TRAPPC3: variants seen among roughly 807,000 people sequenced by gnomAD.
TRAPPC3 encodes trafficking protein particle complex subunit 3.
TRAPPC3 carries 5 observed loss-of-function variants against 18.2 expected under a neutral mutation model. The observed-to-expected ratio is 0.28, with a 90% CI of 0.14 to 0.58. The LOEUF (loss-of-function observed/expected upper bound fraction) is 0.58. Among genes scored for constraint, TRAPPC3 ranks in the 20% least tolerant of loss-of-function variants. The pLI is 0.91. For missense variants in TRAPPC3, 176 were observed against 225.9 expected, an observed-to-expected ratio of 0.78 and a Z score of 1.41; for synonymous variants, 65 against 84.2, an observed-to-expected ratio of 0.77 and a Z score of 1.25.
At position 36,149,334 on chromosome 1, in the gene TRAPPC3, T is replaced by C. The variant is rs1261235756; in HGVS notation, c.42+3A>G. On this transcript the variant is annotated splice_donor_region_variant and intron_variant, in intron 1 of 4. Transcript: ENST00000373166. ...CCCGCCGAGGTCACGCGCTCCAAGT[T>C]ACCATTTTCTTGCTCTCGGTGCCAC... The C allele has an allele frequency of 6.2e-7, 1 of 1,613,554 alleles. No homozygotes were observed. Among genetic ancestry groups the C allele is most frequent in the African/African-American group, 1.3e-5 (1 of 74,930 alleles).
At chr1:36,146,854 A>T (rs918546276) in intron 1 of TRAPPC3, among the ~76,000 whole-genome samples, 3 of 152,236 alleles carry the variant, frequency 2.0e-5, no homozygotes, top group Admixed American at 1.3e-4. Context: ...CTCCCACAGC[A>T]TCTAGCACAG....
intron 3 of TRAPPC3, 103 bp from the exon 4 acceptor site, chr1:36,138,081 A>C (rs749288634): frequency 6.3e-7 from 1 of 1,589,710 alleles, no homozygotes; most frequent in South Asian, 1.1e-5. Context: ...CTCAGGAACA[A>C]ACCTGTGGCC....
In TRAPPC3 at chr1:36,149,468, C is replaced by T. The variant is rs1644250896; in HGVS notation, c.-90G>A. 6.5e-7 allele frequency: 1 copy of T among 1,530,218 alleles called. No individual in the cohort carries two copies. The highest frequency in any genetic ancestry group is 1.2e-5 in the South Asian group (1 of 86,334). 94.8% of individuals were successfully genotyped at this position (1,530,218 alleles called of 1,614,324 possible). A position where few individuals can be genotyped will look rare whatever the true frequency, so the allele number is the denominator to read the frequency against. ...GAGCCTAAGCCGCTGCCCCTCAGCCCACAAGACCGACCGGCACTGACTCAC... is the reference window on the plus strand; with the variant it reads ...GAGCCTAAGCCGCTGCCCCTCAGCCTACAAGACCGACCGGCACTGACTCAC... On this transcript the variant is annotated 5_prime_UTR_variant, in exon 1 of 5. Coordinates refer to ENST00000373166, the MANE Select transcript of TRAPPC3 (RefSeq NM_014408.5).
intron 1 of TRAPPC3, among the ~76,000 whole-genome samples, chr1:36,141,615 A>T (rs1318040896): frequency 6.6e-6 from 1 of 152,216 alleles, no homozygotes; most frequent in Non-Finnish European, 1.5e-5. Flanking sequence ...AAAGGCAGGA[A>T]TTAACCCCAC....
intron 1 of TRAPPC3, among the ~76,000 whole-genome samples, chr1:36,143,923 G>A (rs907822330): frequency 1.3e-5 from 2 of 152,134 alleles, no homozygotes; most frequent in Non-Finnish European, 2.9e-5. Flanking sequence ...TGTTTGTGGA[G>A]CACCTGCTGC....
chr1:36,145,053 G>A (rs577361606), intron 1 of TRAPPC3, among the ~76,000 whole-genome samples: 2 of 151,422 alleles, frequency 1.3e-5, no homozygotes, highest in Admixed American at 6.6e-5. Context: ...ACGGAGTCTC[G>A]CTCTGTCGCC....
chr1:36,143,373 A>G (rs1259138192), intron 1 of TRAPPC3, among the ~76,000 whole-genome samples: 2 of 152,230 alleles, frequency 1.3e-5, no homozygotes, highest in East Asian at 3.8e-4. Flanking sequence ...CACTAATTCT[A>G]AAGATCCTGA....
At chr1:36,140,242 G>T in intron 1 of TRAPPC3, 76 bp from the exon 2 acceptor site, 2 of 849,724 alleles carry the variant, frequency 2.4e-6, no homozygotes, top group Non-Finnish European at 3.5e-6. Flanking sequence ...GACCAGCCTT[G>T]ATGCAACTGT....
At chr1:36,152,053 G>T (rs1383972930), upstream of TRAPPC3, among the ~76,000 whole-genome samples, 1 of 152,114 alleles carries the variant, frequency 6.6e-6, no homozygotes. Context: ...GAGAATGGGT[G>T]CCTATTCTCT....
intron 4 of TRAPPC3, 183 bp from the exon 5 acceptor site, chr1:36,137,505 A>G (rs1644042688): frequency 1.5e-6 from 1 of 653,806 alleles, no homozygotes; most frequent in Non-Finnish European, 2.6e-6. Context: ...CCTTAAGGAG[A>G]AACTTAGCAA....
At chr1:36,154,763 C>T (rs1644302608) in intron 1 of TRAPPC3, among the ~76,000 whole-genome samples, 1 of 152,168 alleles carries the variant, frequency 6.6e-6, no homozygotes, top group Non-Finnish European at 1.5e-5. Context: ...TACCTCATGG[C>T]ACTACTATTT....
At chr1:36,138,639 T>C (rs1003803058) in intron 3 of TRAPPC3, among the ~76,000 whole-genome samples, 2 of 152,242 alleles carry the variant, frequency 1.3e-5, no homozygotes, top group East Asian at 3.8e-4. Context: ...CACAACACTA[T>C]GCTAAACACT....
intron 3 of TRAPPC3, among the ~76,000 whole-genome samples, chr1:36,138,684 T>A (rs1337307854): frequency 6.6e-6 from 1 of 152,156 alleles, no homozygotes; most frequent in Non-Finnish European, 1.5e-5. Context: ...CCATTATTCA[T>A]TTACTCCTTA....
chr1:36,150,238 G>A (rs2124178314), upstream of TRAPPC3, among the ~76,000 whole-genome samples: 1 of 152,344 alleles, frequency 6.6e-6, no homozygotes, highest in African/African-American at 2.4e-5. Context: ...AAAGACTGGT[G>A]AGCCACGCAT....
At chr1:36,141,491 C>T (rs547028202) in intron 1 of TRAPPC3, among the ~76,000 whole-genome samples, 2 of 152,126 alleles carry the variant, frequency 1.3e-5, no homozygotes, top group Non-Finnish European at 2.9e-5. Context: ...TCACGCCATC[C>T]CCATGGCCTG....
chr1:36,137,144 A>C lies in TRAPPC3; in HGVS notation c.*59T>G. 1 of 1,575,050 alleles carries C rather than the reference A, an allele frequency of 6.3e-7. No homozygotes were observed. Among genetic ancestry groups the C allele is most frequent in the Non-Finnish European group, 8.7e-7 (1 of 1,149,818 alleles). On this transcript the variant is annotated 3_prime_UTR_variant, in exon 5 of 5. Coordinates refer to ENST00000373166, the MANE Select transcript of TRAPPC3 (RefSeq NM_014408.5). Reference sequence around the variant, plus strand: ...CTGAGTTCTGGAGGGCAGAGGGAGCACAGAGGCCTGCTGATTCCAACAGTG... The same window carrying C: ...CTGAGTTCTGGAGGGCAGAGGGAGCCCAGAGGCCTGCTGATTCCAACAGTG...
At chr1:36,151,438 A>G (rs1361273531), upstream of TRAPPC3, among the ~76,000 whole-genome samples, 1 of 151,676 alleles carries the variant, frequency 6.6e-6, no homozygotes, top group Non-Finnish European at 1.5e-5. Flanking sequence ...ACAAAAATAA[A>G]TAAAAATTAA....
intron 1 of TRAPPC3, among the ~76,000 whole-genome samples, chr1:36,145,053 GCT>G (rs1164842349): frequency 6.6e-6 from 1 of 151,422 alleles, no homozygotes; most frequent in Non-Finnish European, 1.5e-5. Context: ...ACGGAGTCTC[GCT>G]CTGTCGCCCA....
Position 36,137,169 on chromosome 1 carries a change from G to A in TRAPPC3, c.*34C>T, listed in dbSNP as rs77192089. The stretch of plus-strand genomic sequence containing the variant: ...ACAGAGGCCTGCTGATTCCAACAGT[G>A]CTCCTGATGGCTATCCTCGAGTTGT... On this transcript the variant is annotated 3_prime_UTR_variant, in exon 5 of 5. Coordinates refer to ENST00000373166, the MANE Select transcript of TRAPPC3 (RefSeq NM_014408.5). 1.3e-6 allele frequency: 2 copies of A among 1,591,030 alleles called. No individual in the cohort carries two copies. Among genetic ancestry groups the A allele is most frequent in the East Asian group, 4.5e-5 (2 of 44,162 alleles).
Sources: gnomAD v4.1 joint callset for allele counts (sites outside exome capture counted in the v4.1 genomes callset) on GRCh38, gnomAD v4.1.1 for gene constraint, MANE v1.5 for transcripts, NCBI Gene and HGNC (gene_info 2026-07-23, HGNC 2026-07-21) for gene names.